Variants in RAD52 observed in about 807,000 individuals in gnomAD.
RAD52 encodes DNA repair protein RAD52 homolog.
In RAD52, 47 loss-of-function variants were observed where a neutral mutation model predicts 55.5. The ratio of observed to expected loss-of-function variants is 0.85; its 90% CI spans 0.67 to 1.08. The LOEUF (loss-of-function observed/expected upper bound fraction) is 1.08, where lower values mean the gene tolerates loss of function less well. Ranked by LOEUF, RAD52 falls within the 50% of genes least tolerant of loss-of-function variation. The probability of loss-of-function intolerance (pLI) is 0.00; values close to 1 mark genes in which losing one functional copy is unlikely to be tolerated. For missense variants in RAD52, 468 were observed against 522.8 expected, an observed-to-expected ratio of 0.90 and a Z score of 1.02; for synonymous variants, 184 against 198.9, an observed-to-expected ratio of 0.92 and a Z score of 0.63.
At chr12:955,058 G>C (rs1958585695) in intron 1 of RAD52, among the ~76,000 whole-genome samples, 1 of 152,214 alleles carries the variant, frequency 6.6e-6, no homozygotes, top group Non-Finnish European at 1.5e-5. Flanking sequence ...CACTACAGGG[G>C]TGATAAGGTA....
intron 11 of RAD52, 112 bp downstream of exon 11, chr12:913,782 G>C (rs560710114): frequency 1.0e-4 from 101 of 1,011,894 alleles, no homozygotes; most frequent in Non-Finnish European, 1.4e-4. Context: ...TTCCCTAATA[G>C]AAGTTCCCGA....
At chr12:979,990 T>A (rs1958989926) in intron 1 of RAD52, among the ~76,000 whole-genome samples, 1 of 152,052 alleles carries the variant, frequency 6.6e-6, no homozygotes, top group African/African-American at 2.4e-5. Flanking sequence ...GAGCTTGCAA[T>A]GGGCCGAGAT....
rs996551615 is a variant in RAD52, at chr12:978,764, C to T, written c.-19+11045G>A. Among the ~76,000 whole-genome samples, 10 of 152,040 alleles carry T rather than the reference C, an allele frequency of 6.6e-5. 1 individual carries two copies. In the South Asian group the frequency reaches 1.7e-3, roughly 25 times the overall value. On this transcript the variant is annotated intron_variant, in intron 1 of 11. Coordinates refer to the RAD52 transcript ENST00000430095. The stretch of plus-strand genomic sequence containing the variant: ...GTGCACACCTGTAATCCAAACTACT[C>T]GGGAGGCTGAGGCAGGAGAATTGCT...
At chr12:929,101 A>G (rs1286894743) in intron 5 of RAD52, among the ~76,000 whole-genome samples, 1 of 152,122 alleles carries the variant, frequency 6.6e-6, no homozygotes, top group African/African-American at 2.4e-5. Flanking sequence ...CCTGGGCTCA[A>G]GCAGTCCTTC....
rs753791311 is a variant in RAD52, at chr12:931,232, G to A, written c.174C>T (p.Gly58=). The change falls in exon 3 of 12, where the codon GGC becomes GGT. Residue 58 remains glycine (G), a synonymous_variant. Coordinates refer to ENST00000358495, the MANE Select transcript of RAD52 (RefSeq NM_134424.4). Reference sequence around the variant, plus strand: ...TGAATTCTCCTACCTTCTGGCCTCCGCCAGCCATGCGGCTACTTATGTATT... The same window carrying A: ...TGAATTCTCCTACCTTCTGGCCTCCACCAGCCATGCGGCTACTTATGTATT... The part of the protein sequence containing the change: ...GPEYISSRMA[G]GGQKVCYIEG... 16 of 1,611,466 alleles carry A rather than the reference G, an allele frequency of 9.9e-6. No homozygotes were observed. The Admixed American group carries it at 1.0e-4, about 10-fold the overall frequency.
At chr12:915,846 G>T (rs960342799) in intron 9 of RAD52, among the ~76,000 whole-genome samples, 14 of 152,018 alleles carry the variant, frequency 9.2e-5, no homozygotes, top group African/African-American at 3.4e-4. Context: ...TCCCGAGTAG[G>T]GGGGACCACA....
At chr12:925,320 A>C in intron 7 of RAD52, 130 bp downstream of exon 7, 1 of 770,962 alleles carries the variant, frequency 1.3e-6, no homozygotes, top group East Asian at 2.5e-5. Flanking sequence ...TCGAAATCTG[A>C]AATCAACATT....
Position 961,843 on chromosome 12 carries a change from A to G in RAD52, c.-19+27966T>C, listed in dbSNP as rs148521401. Among the ~76,000 whole-genome samples, 496 of 152,252 alleles carry G rather than the reference A, an allele frequency of 3.3e-3. 1 individual carries two copies. The highest frequency in any genetic ancestry group is 5.6e-3 in the Non-Finnish European group (381 of 68,030). On this transcript the variant is annotated intron_variant, in intron 1 of 11. Transcript: ENST00000430095. Reference sequence around the variant, plus strand: ...AATCCACTGCACTGCAGCCTGGATGACAGAGTGAGACCCTGTATCTAAAAA... The same window carrying G: ...AATCCACTGCACTGCAGCCTGGATGGCAGAGTGAGACCCTGTATCTAAAAA...
At chr12:984,183 G>C (rs1959056455) in intron 1 of RAD52, among the ~76,000 whole-genome samples, 1 of 151,810 alleles carries the variant, frequency 6.6e-6, no homozygotes, top group Non-Finnish European at 1.5e-5. Flanking sequence ...CCACCATTAC[G>C]CTTTCTGTCT....
chr12:990,318 C>T (rs1046500746), upstream of RAD52: 2 of 151,792 alleles, frequency 1.3e-5, no homozygotes, highest in East Asian at 3.9e-4. Context: ...TATCTACATC[C>T]TTAAATTAAT....
At position 912,765 on chromosome 12, in the gene RAD52, G is replaced by A. The variant is rs114479395; in HGVS notation, c.*626C>T. ...AAAAAACAAAAAACAGCCTTTTTTC[G>A]TGGTCTTAGATGATTATTTCCTTCC... On this transcript the variant is annotated 3_prime_UTR_variant, in exon 12 of 12. Coordinates refer to ENST00000358495, the MANE Select transcript of RAD52 (RefSeq NM_134424.4). 1.2e-3 allele frequency: 189 copies of A among 155,630 alleles called. 1 individual carries two copies. Among genetic ancestry groups the A allele is most frequent in the African/African-American group, 4.3e-3 (165 of 38,562 alleles). 9.6% of individuals were successfully genotyped at this position (155,630 alleles called of 1,614,324 possible). A position where few individuals can be genotyped will look rare whatever the true frequency, so the allele number is the denominator to read the frequency against.
intron 1 of RAD52, among the ~76,000 whole-genome samples, chr12:971,990 C>T (rs887278111): frequency 6.6e-6 from 1 of 152,090 alleles, no homozygotes; most frequent in South Asian, 2.1e-4. Flanking sequence ...CCTCGTGATC[C>T]GCCCGCCTCG....
Position 912,055 on chromosome 12 carries a change from A to G in RAD52, c.*1336T>C, listed in dbSNP as rs1027809168. The G allele has an allele frequency of 5.0e-6, 1 of 200,484 alleles. No homozygotes were observed. The highest frequency in any genetic ancestry group is 2.3e-5 in the African/African-American group (1 of 43,402). The allele number at this position is 200,484 out of a possible 1,614,324, so 12.4% of individuals were successfully genotyped here. A position where few individuals can be genotyped will look rare whatever the true frequency, so the allele number is the denominator to read the frequency against. On this transcript the variant is annotated 3_prime_UTR_variant, in exon 12 of 12. Coordinates refer to ENST00000358495, the MANE Select transcript of RAD52 (RefSeq NM_134424.4). Reference sequence around the variant, plus strand: ...AAAAAGTTGTTAAACTGCAAACTTCATTATTTTGGGGGAAGAATTATGAAA... The same window carrying G: ...AAAAAGTTGTTAAACTGCAAACTTCGTTATTTTGGGGGAAGAATTATGAAA...
chr12:987,141 T>C (rs1403358619), intron 1 of RAD52, among the ~76,000 whole-genome samples: 1 of 151,942 alleles, frequency 6.6e-6, no homozygotes, highest in Non-Finnish European at 1.5e-5. Flanking sequence ...TGGCTAATTT[T>C]TGTATTTTTA....
upstream of RAD52, among the ~76,000 whole-genome samples, chr12:952,136 A>AT (rs1958537283): frequency 1.3e-5 from 2 of 152,014 alleles, no homozygotes; most frequent in Non-Finnish European, 2.9e-5. Flanking sequence ...GTAAAAAAAC[A>AT]TTTTTTTGGT....
intron 1 of RAD52, among the ~76,000 whole-genome samples, chr12:957,659 A>G (rs773124694): frequency 1.8e-4 from 28 of 151,670 alleles, no homozygotes; most frequent in Middle Eastern, 3.2e-3. Flanking sequence ...CTGTGGTGGC[A>G]CACACCTGTG....
At chr12:929,948 C>G in intron 4 of RAD52, 62 bp from the exon 5 acceptor site, 1 of 1,574,754 alleles carries the variant, frequency 6.4e-7, no homozygotes, top group South Asian at 1.1e-5. Flanking sequence ...AACCATTCCT[C>G]CTGCTGGCAG....
intron 1 of RAD52, among the ~76,000 whole-genome samples, chr12:935,855 A>G (rs1241273949): frequency 1.1e-5 from 1 of 90,518 alleles, no homozygotes; most frequent in Non-Finnish European, 2.3e-5. Context: ...CTCCGTCTCA[A>G]AAAAATAAAT....
chr12:953,616 T>C (rs1387790418), upstream of RAD52, among the ~76,000 whole-genome samples: 1 of 152,198 alleles, frequency 6.6e-6, no homozygotes, highest in Non-Finnish European at 1.5e-5. Context: ...CCGTGCCAAG[T>C]TCTTTAATCT....
Sources: allele counts gnomAD v4.1 joint callset (sites outside exome capture counted in the v4.1 genomes callset), GRCh38; gene constraint gnomAD v4.1.1; transcripts MANE v1.5; gene names NCBI Gene and HGNC (gene_info 2026-07-23, HGNC 2026-07-21).